The following ALS2 variants were observed in gnomAD, a reference collection of about 807,000 sequenced individuals.
ALS2 encodes alsin Rho guanine nucleotide exchange factor ALS2, also known as alsin.
ALS2 carries 117 observed loss-of-function variants against 203.4 expected under a neutral mutation model. The ratio of observed to expected loss-of-function variants is 0.58; its 90% CI spans 0.50 to 0.67. ALS2 has a LOEUF of 0.67. ALS2 is among the 30% of genes least tolerant of loss of function. The pLI, the probability that ALS2 is intolerant of heterozygous loss-of-function variation, is 0.00. For synonymous variants in ALS2, 718 were observed against 725.9 expected, an observed-to-expected ratio of 0.99 and a Z score of 0.17; for missense variants, 1,715 against 1,989.4, an observed-to-expected ratio of 0.86 and a Z score of 2.62.
chr2:201,751,977 G>A (rs529143213), intron 7 of ALS2, among the ~76,000 whole-genome samples: 2 of 152,042 alleles, frequency 1.3e-5, no homozygotes, highest in Non-Finnish European at 2.9e-5. Context: ...CTAGCCGACA[G>A]GCATATTTCT....
At chr2:201,774,048 T>C (rs1201251414) in intron 1 of ALS2, among the ~76,000 whole-genome samples, 1 of 152,350 alleles carries the variant, frequency 6.6e-6, no homozygotes, top group East Asian at 1.9e-4. Context: ...TGTGGAAATA[T>C]CTTTATTTTC....
intron 12 of ALS2, among the ~76,000 whole-genome samples, chr2:201,736,374 T>C (rs1691877006): frequency 6.6e-6 from 1 of 152,166 alleles, no homozygotes; most frequent in Non-Finnish European, 1.5e-5. Flanking sequence ...TAATTCATAA[T>C]GGATTAGAAA....
intron 8 of ALS2, among the ~76,000 whole-genome samples, chr2:201,747,810 C>T (rs1372434408): frequency 6.6e-6 from 1 of 152,156 alleles, no homozygotes; most frequent in African/African-American, 2.4e-5. Flanking sequence ...GTTTGAGAAC[C>T]ACTGCCTTTA....
rs1299867187 is a variant in ALS2, at chr2:201,753,150, G to A, written c.1733C>T (p.Ser578Phe). 1.2e-6 allele frequency: 2 copies of A among 1,613,656 alleles called. No homozygotes were observed. Among genetic ancestry groups the A allele is most frequent in the African/African-American group, 2.7e-5 (2 of 74,926 alleles). Reference sequence around the variant, plus strand: ...ATTTAATAGTTTGCCTCCTACCTGGGATTTCGCAGTAAGTGCAAGAGAATG... The same window carrying A: ...ATTTAATAGTTTGCCTCCTACCTGGAATTTCGCAGTAAGTGCAAGAGAATG... ...GYHSLALTAK[S>F]QVYSWGSNTF... The change falls in exon 7 of 34, where the codon TCC (serine) becomes TTC (phenylalanine). Residue 578 changes from serine to phenylalanine, a missense_variant. Physicochemically the swap from Ser to Phe is radical, Grantham distance 155. This residue lies in a region of ALS2 where 1,227 missense variants were observed against 1,413.5 expected (regional missense o/e 0.87). Coordinates refer to ENST00000264276, the MANE Select transcript of ALS2 (RefSeq NM_020919.4).
intron 3 of ALS2, among the ~76,000 whole-genome samples, chr2:201,766,358 C>T (rs1012438968): frequency 6.6e-6 from 1 of 152,074 alleles, no homozygotes; most frequent in African/African-American, 2.4e-5. Flanking sequence ...TCATTAAGAA[C>T]CCCTAGGCTG....
chr2:201,733,492 T>C (rs544822323), intron 12 of ALS2, 54 bp from the exon 13 acceptor site: 3 of 1,501,538 alleles, frequency 2.0e-6, no homozygotes, highest in East Asian at 4.5e-5. Flanking sequence ...TGGTAATATG[T>C]ACATTAAATA....
At chr2:201,729,768 C>T in intron 13 of ALS2, among the ~76,000 whole-genome samples, 1 of 151,258 alleles carries the variant, frequency 6.6e-6, no homozygotes, top group East Asian at 2.0e-4. Flanking sequence ...GTAGACCCAG[C>T]TACTCGGGAG....
At chr2:201,777,056 G>A (rs1369932528) in intron 1 of ALS2, among the ~76,000 whole-genome samples, 1 of 152,140 alleles carries the variant, frequency 6.6e-6, no homozygotes, top group Non-Finnish European at 1.5e-5. Context: ...GTAATAAAAT[G>A]TAACCAAGTT....
rs780301796 is a variant in ALS2 at position 201,727,230 on chromosome 2, T to C, written c.2961A>G (p.Ser987=). 1.2e-6 allele frequency: 2 copies of C among 1,613,766 alleles called. No homozygotes were observed. Among genetic ancestry groups the C allele is most frequent in the South Asian group, 1.1e-5 (1 of 91,082 alleles). The change falls in exon 17 of 34, where the codon TCA becomes TCG. Residue 987 remains serine (S), a synonymous_variant. Transcript: ENST00000264276. The stretch of plus-strand genomic sequence containing the variant: ...GACTAACCTTTTCCTGGGGTGTAGA[T>C]GAAATGAGAGTGAACTGCTCCTCAG... The part of the protein sequence containing the change: ...TTPEEQFTLI[S]STPQEKTKWL...
chr2:201,722,731 T>C, intron 23 of ALS2: 1 of 335,362 alleles, frequency 3.0e-6, no homozygotes, highest in South Asian at 4.3e-5. Flanking sequence ...GGAGATTGCA[T>C]GTATGATTCC....
At chr2:201,719,759 G>A (rs1199515728) in intron 23 of ALS2, among the ~76,000 whole-genome samples, 1 of 152,122 alleles carries the variant, frequency 6.6e-6, no homozygotes. Flanking sequence ...AAATTGTGAA[G>A]AAATAAATTT....
intron 11 of ALS2, among the ~76,000 whole-genome samples, chr2:201,739,188 G>T (rs1692088589): frequency 7.7e-6 from 1 of 130,670 alleles, no homozygotes; most frequent in African/African-American, 2.9e-5. Flanking sequence ...GCAGTGAGCT[G>T]TGATTCCAAC....
At chr2:201,768,788 G>T in intron 2 of ALS2, 78 bp downstream of exon 2, 1 of 1,374,482 alleles carries the variant, frequency 7.3e-7, no homozygotes, top group Non-Finnish European at 1.0e-6. Flanking sequence ...AAATTAAACT[G>T]AAGAGAAGCT....
chr2:201,706,758 A>C, intron 29 of ALS2, 88 bp downstream of exon 29: 2 of 1,347,938 alleles, frequency 1.5e-6, no homozygotes, highest in South Asian at 1.2e-5. Flanking sequence ...CATATATATA[A>C]TTAGATATCA....
chr2:201,738,043 A>G (rs1044143930), intron 12 of ALS2, among the ~76,000 whole-genome samples: 2 of 152,112 alleles, frequency 1.3e-5, no homozygotes, highest in Admixed American at 6.5e-5. Flanking sequence ...GTGCATGCCT[A>G]TAATTCCAGC....
Position 201,724,896 on chromosome 2 carries a change from G to A in ALS2, c.3348-437C>T, listed in dbSNP as rs572477516. Among the ~76,000 whole-genome samples, 27 of 152,078 alleles carry A rather than the reference G, an allele frequency of 1.8e-4. No individual in the cohort carries two copies. The South Asian group carries it at 5.2e-3, about 29-fold the overall frequency. On this transcript the variant is annotated intron_variant, in intron 20 of 33. Transcript: ENST00000264276. ...TGGGAGGCCGAGGCGGGTGGATCAC[G>A]AGGTCAGGAGATCGAGACCATCCTG...
chr2:201,749,254 A>C (rs943026650), intron 8 of ALS2, among the ~76,000 whole-genome samples: 1 of 152,134 alleles, frequency 6.6e-6, no homozygotes, highest in Admixed American at 6.5e-5. Context: ...TTTTAGCTTT[A>C]CTACAGAAAG....
intron 12 of ALS2, among the ~76,000 whole-genome samples, chr2:201,735,663 T>C (rs1300373105): frequency 1.3e-5 from 2 of 152,250 alleles, no homozygotes; most frequent in African/African-American, 4.8e-5. Context: ...CTGGGCATGG[T>C]GCTGTGCAAA....
chr2:201,745,719 C>T (rs924835747), intron 9 of ALS2, among the ~76,000 whole-genome samples: 2 of 152,092 alleles, frequency 1.3e-5, no homozygotes, highest in South Asian at 2.1e-4. Context: ...GAGGCTGAGG[C>T]GGGCAGATCA....
Sources: gnomAD v4.1 joint callset for allele counts (sites outside exome capture counted in the v4.1 genomes callset) on GRCh38, gnomAD v4.1.1 for gene constraint, gnomAD v4.1.1 regional missense constraint, MANE v1.5 for transcripts, NCBI Gene and HGNC (gene_info 2026-07-23, HGNC 2026-07-21) for gene names.